Variants in ATL2 observed in about 807,000 individuals in gnomAD.
The protein encoded by ATL2 is atlastin-2.
Under a neutral mutation model 73.9 loss-of-function variants are expected in ATL2, and 31 were observed. The observed-to-expected ratio is 0.42, with a 90% CI of 0.32 to 0.57. The LOEUF (loss-of-function observed/expected upper bound fraction) is 0.57, where lower values mean the gene tolerates loss of function less well. Ranked by LOEUF, ATL2 falls within the 20% of genes least tolerant of loss-of-function variation. The pLI is 0.14. For missense variants in ATL2, 738 were observed against 702.6 expected, an observed-to-expected ratio of 1.05 and a Z score of -0.57; for synonymous variants, 291 against 237.5, an observed-to-expected ratio of 1.23 and a Z score of -2.07.
chr2:38,300,197 T>C (rs1255899154), intron 10 of ATL2, 75 bp downstream of exon 10: 4 of 1,310,434 alleles, frequency 3.1e-6, no homozygotes, highest in East Asian at 4.7e-5. Flanking sequence ...TCAGCATTTC[T>C]CTCTAAAGCA....
chr2:38,313,638 T>G (rs1404102584), intron 6 of ATL2, among the ~76,000 whole-genome samples: 2 of 152,218 alleles, frequency 1.3e-5, no homozygotes, highest in Admixed American at 6.5e-5. Context: ...AAGGACATTT[T>G]CACTCACAGA....
At chr2:38,357,979 C>T (rs1403962944) in intron 1 of ATL2, among the ~76,000 whole-genome samples, 1 of 152,178 alleles carries the variant, frequency 6.6e-6, no homozygotes, top group Non-Finnish European at 1.5e-5. Context: ...ATTTCCTCCA[C>T]AGCAGTGCTA....
At position 38,294,733 on chromosome 2, in the gene ATL2, G is replaced by T. The variant is rs769221431; in HGVS notation, c.*1261C>A. Reference sequence around the variant, plus strand: ...CCCTTATAGAGACAGACACAGAAAAGTAACTTTTTACAAGCTTAGTTTTGA... The same window carrying T: ...CCCTTATAGAGACAGACACAGAAAATTAACTTTTTACAAGCTTAGTTTTGA... On this transcript the variant is annotated 3_prime_UTR_variant, in exon 13 of 13. Coordinates refer to ENST00000378954, the MANE Select transcript of ATL2 (RefSeq NM_001135673.4). 6 of 151,618 alleles carry T rather than the reference G, an allele frequency of 4.0e-5. No individual in the cohort carries two copies. Among genetic ancestry groups the T allele is most frequent in the Non-Finnish European group, 8.8e-5 (6 of 67,956 alleles). 9.4% of individuals were successfully genotyped at this position (151,618 alleles called of 1,614,324 possible).
intron 6 of ATL2, 65 bp from the exon 7 acceptor site, chr2:38,313,308 C>T: frequency 8.4e-7 from 1 of 1,191,784 alleles, no homozygotes. Context: ...AAAATCACAA[C>T]TCTTAACAAT....
intron 1 of ATL2, among the ~76,000 whole-genome samples, chr2:38,354,337 A>G (rs1670538052): frequency 6.6e-6 from 1 of 152,238 alleles, no homozygotes; most frequent in Non-Finnish European, 1.5e-5. Context: ...ATACAAATAT[A>G]AAAGACTGGT....
rs145946778 is a variant in ATL2 at position 38,377,201 on chromosome 2, C to G, written c.60G>C (p.Arg20=). The G allele has an allele frequency of 2.5e-6, 4 of 1,610,044 alleles. No homozygotes were observed. The highest frequency in any genetic ancestry group is 1.1e-5 in the South Asian group (1 of 90,590). ...CGGCGCTTGGGTCGCTGGTCCGTCG[C>G]CGGCGCCACAGCCCCTGGTGCGGTT... ...GQQPHQGLWR[R]RRTSDPSAAV... Residue 20 remains arginine (R), a synonymous_variant, in exon 1 of 13, where the codon CGG becomes CGC. Transcript: ENST00000378954.
At chr2:38,304,109 C>G (rs1472359658) in intron 9 of ATL2, among the ~76,000 whole-genome samples, 2 of 152,058 alleles carry the variant, frequency 1.3e-5, no homozygotes, top group Non-Finnish European at 1.5e-5. Context: ...ATTAAACCAC[C>G]ACCACAACAA....
At chr2:38,347,698 T>C (rs565217886) in intron 1 of ATL2, among the ~76,000 whole-genome samples, 1 of 152,096 alleles carries the variant, frequency 6.6e-6, no homozygotes, top group South Asian at 2.1e-4. Flanking sequence ...CCTAGCAGGT[T>C]CCTTGTAAAT....
intron 1 of ATL2, among the ~76,000 whole-genome samples, chr2:38,367,420 G>A (rs1381657709): frequency 1.3e-5 from 2 of 150,776 alleles, no homozygotes; most frequent in African/African-American, 2.4e-5. Flanking sequence ...TGGCTAACAC[G>A]GTGAAACCCC....
rs112861292 is a variant in ATL2, at chr2:38,307,475, G to C, written c.1071+1904C>G. Among the ~76,000 whole-genome samples, 792 of 151,642 alleles carry C rather than the reference G, an allele frequency of 5.2e-3. 13 individuals are homozygous for C. Among genetic ancestry groups the C allele is most frequent in the African/African-American group, 0.018 (747 of 41,314 alleles). On this transcript the variant is annotated intron_variant, in intron 9 of 12. Coordinates refer to ENST00000378954, the MANE Select transcript of ATL2 (RefSeq NM_001135673.4). ...GATCACGCCACTGCAGTCCAGCCTG[G>C]GTGACAGAGCAACGCTCCATTTCAA... is the stretch of plus-strand genomic sequence containing the variant.
chr2:38,370,692 A>T (rs560329839), intron 1 of ATL2, among the ~76,000 whole-genome samples: 44 of 151,886 alleles, frequency 2.9e-4, no homozygotes, highest in African/African-American at 9.9e-4. Context: ...TCTTGAACCC[A>T]GAGGTGGAGG....
intron 2 of ATL2, among the ~76,000 whole-genome samples, chr2:38,341,241 T>C (rs528845569): frequency 1.7e-4 from 26 of 152,300 alleles, no homozygotes; most frequent in Admixed American, 2.6e-4. Context: ...CCTCAAAATA[T>C]AGAAATCCTT....
At chr2:38,352,854 T>C (rs1670437755) in intron 1 of ATL2, among the ~76,000 whole-genome samples, 1 of 152,214 alleles carries the variant, frequency 6.6e-6, no homozygotes, top group South Asian at 2.1e-4. Context: ...ATCTGCAAGG[T>C]ACACAGTTTG....
intron 9 of ATL2, among the ~76,000 whole-genome samples, chr2:38,306,164 GACATATACAACCT>G (rs1447167263): frequency 6.6e-6 from 1 of 152,082 alleles, no homozygotes; most frequent in Non-Finnish European, 1.5e-5. Flanking sequence ...TCAATTCCTA[GACATATACAACCT>G]ACCAAGATTG....
At chr2:38,299,351 T>A (rs776417646) in intron 10 of ATL2, 24 bp from the exon 11 acceptor site, 1 of 1,520,244 alleles carries the variant, frequency 6.6e-7, no homozygotes, top group Non-Finnish European at 8.7e-7. Context: ...TATGCCATTA[T>A]TATGCAAAAA....
At chr2:38,314,580 C>A in intron 6 of ATL2, 28 bp downstream of exon 6, 1 of 1,546,690 alleles carries the variant, frequency 6.5e-7, no homozygotes, top group Non-Finnish European at 8.9e-7. Context: ...ATAGGCTAAT[C>A]TTTAAAATGT....
intron 2 of ATL2, among the ~76,000 whole-genome samples, chr2:38,327,676 C>A (rs1308785771): frequency 6.6e-6 from 1 of 152,142 alleles, no homozygotes; most frequent in Non-Finnish European, 1.5e-5. Flanking sequence ...CAGTGCACAT[C>A]TGTAATCCCA....
chr2:38,308,103 G>T (rs1667549760), intron 9 of ATL2, among the ~76,000 whole-genome samples: 1 of 152,082 alleles, frequency 6.6e-6, no homozygotes, highest in South Asian at 2.1e-4. Flanking sequence ...GCTGCTGCTA[G>T]GTATATACCC....
chr2:38,376,432 C>A, intron 1 of ATL2: 1 of 340,660 alleles, frequency 2.9e-6, no homozygotes, highest in Non-Finnish European at 5.2e-6. Context: ...TACTATCGTC[C>A]AAGTGACTCG....
Sources: gnomAD v4.1 joint callset for allele counts (sites outside exome capture counted in the v4.1 genomes callset) on GRCh38, gnomAD v4.1.1 for gene constraint, MANE v1.5 for transcripts, NCBI Gene and HGNC (gene_info 2026-07-23, HGNC 2026-07-21) for gene names.